Variants in CHCHD6 observed in about 807,000 individuals in gnomAD.
CHCHD6 encodes MICOS complex subunit MIC25.
A neutral mutation model predicts 32.3 loss-of-function variants in CHCHD6; 28 were observed. That is an observed-to-expected ratio of 0.87 (90% CI 0.64 to 1.19). The LOEUF (loss-of-function observed/expected upper bound fraction) is 1.19, where lower values mean the gene tolerates loss of function less well. Ranked by LOEUF, CHCHD6 falls within the 50% of genes most tolerant of loss-of-function variation. The probability of loss-of-function intolerance (pLI) is 0.00; values close to 1 mark genes in which losing one functional copy is unlikely to be tolerated. For missense variants in CHCHD6, 333 were observed against 307.0 expected, an observed-to-expected ratio of 1.08 and a Z score of -0.63; for synonymous variants, 122 against 117.5, an observed-to-expected ratio of 1.04 and a Z score of -0.25.
At chr3:126,855,315 C>T (rs1941625859) in intron 5 of CHCHD6, among the ~76,000 whole-genome samples, 1 of 152,298 alleles carries the variant, frequency 6.6e-6, no homozygotes, top group South Asian at 2.1e-4. Context: ...GTCACTGTGC[C>T]TCCTTTCAGC....
intron 4 of CHCHD6, among the ~76,000 whole-genome samples, chr3:126,735,934 A>G (rs1936023068): frequency 6.6e-6 from 1 of 152,214 alleles, no homozygotes; most frequent in African/African-American, 2.4e-5. Flanking sequence ...GTGTACAACC[A>G]TATTCAATAC....
chr3:126,865,913 AGTTGTCT>A (rs1942273471), intron 5 of CHCHD6, among the ~76,000 whole-genome samples: 1 of 152,168 alleles, frequency 6.6e-6, no homozygotes, highest in Non-Finnish European at 1.5e-5. Context: ...TCTCTAGGGT[AGTTGTCT>A]GTGCCAGGAA....
At chr3:126,842,350 A>T (rs1201540635) in intron 4 of CHCHD6, among the ~76,000 whole-genome samples, 1 of 152,204 alleles carries the variant, frequency 6.6e-6, no homozygotes, top group East Asian at 1.9e-4. Flanking sequence ...CTTTTATCAA[A>T]ATACTGGGTG....
intron 5 of CHCHD6, among the ~76,000 whole-genome samples, chr3:126,898,966 T>C (rs2077881429): frequency 6.6e-6 from 1 of 151,764 alleles, no homozygotes; most frequent in African/African-American, 2.4e-5. Context: ...CAAATGTACA[T>C]GTGTTGAGGA....
intron 4 of CHCHD6, among the ~76,000 whole-genome samples, chr3:126,750,740 A>G (rs867457078): frequency 2.6e-5 from 4 of 152,360 alleles, no homozygotes; most frequent in Non-Finnish European, 5.9e-5. Context: ...TCCTTTTGCA[A>G]TGAGCCTGAA....
At chr3:126,844,232 T>C (rs193132371) in intron 4 of CHCHD6, among the ~76,000 whole-genome samples, 4 of 152,326 alleles carry the variant, frequency 2.6e-5, no homozygotes, top group Non-Finnish European at 4.4e-5. Flanking sequence ...TTGGGTCACG[T>C]TGGATGATAA....
Position 126,741,248 on chromosome 3 carries a change from G to A in CHCHD6, c.411+8026G>A, listed in dbSNP as rs1000090400. Reference sequence around the variant, plus strand: ...TGAGGGGCAGGCGGTGCTGTGCGCCGTTGGGAAAGTTAGGATTTACTCTTC... The same window carrying A: ...TGAGGGGCAGGCGGTGCTGTGCGCCATTGGGAAAGTTAGGATTTACTCTTC... On this transcript the variant is annotated intron_variant, in intron 4 of 7. Coordinates refer to ENST00000290913, the MANE Select transcript of CHCHD6 (RefSeq NM_032343.3). 5.3e-5 allele frequency among the ~76,000 whole-genome samples: 8 copies of A among 152,288 alleles called. No individual in the cohort carries two copies. In the East Asian group the frequency reaches 7.7e-4, roughly 15 times the overall value.
intron 4 of CHCHD6, among the ~76,000 whole-genome samples, chr3:126,759,168 A>G (rs896874069): frequency 6.6e-6 from 1 of 151,944 alleles, no homozygotes; most frequent in African/African-American, 2.4e-5. Flanking sequence ...TAGCCCTACT[A>G]CTCTTCTGAA....
At position 126,721,760 on chromosome 3, in the gene CHCHD6, C is replaced by T. The variant is rs181154818; in HGVS notation, c.88-5318C>T. 2.9e-4 allele frequency among the ~76,000 whole-genome samples: 41 copies of T among 141,326 alleles called. 1 individual carries two copies. Among genetic ancestry groups the T allele is most frequent in the African/African-American group, 1.0e-3 (40 of 38,604 alleles). 92.7% of individuals were successfully genotyped at this position (141,326 alleles called of 152,430 possible). A position where few individuals can be genotyped will look rare whatever the true frequency, so the allele number is the denominator to read the frequency against. On this transcript the variant is annotated intron_variant, in intron 1 of 7. Coordinates refer to ENST00000290913, the MANE Select transcript of CHCHD6 (RefSeq NM_032343.3). Reference sequence around the variant, plus strand: ...TTACCCTGTAGCTATCAGTCCCCACCCCGGTCCCTGCATTTCCCCAAGCCC... The same window carrying T: ...TTACCCTGTAGCTATCAGTCCCCACTCCGGTCCCTGCATTTCCCCAAGCCC...
intron 4 of CHCHD6, among the ~76,000 whole-genome samples, chr3:126,827,341 G>T (rs942095665): frequency 6.6e-6 from 1 of 152,206 alleles, no homozygotes; most frequent in African/African-American, 2.4e-5. Context: ...GTTCCAGGCT[G>T]CCATGCGTCA....
intron 1 of CHCHD6, among the ~76,000 whole-genome samples, chr3:126,718,213 G>GGCAAAT (rs1213151440): frequency 2.4e-4 from 37 of 152,260 alleles, no homozygotes; most frequent in Middle Eastern, 3.4e-3. Context: ...GATGGTCTGT[G>GGCAAAT]GCAAATGCTA....
At chr3:126,815,394 G>A (rs575610083) in intron 4 of CHCHD6, among the ~76,000 whole-genome samples, 15 of 152,210 alleles carry the variant, frequency 9.9e-5, no homozygotes, top group Admixed American at 7.8e-4. Context: ...CAGCATGGTC[G>A]CACACAGAAT....
chr3:126,865,803 A>C, intron 5 of CHCHD6: 3 of 911,246 alleles, frequency 3.3e-6, no homozygotes, highest in Non-Finnish European at 3.9e-6. Context: ...AAATCCTCTC[A>C]TATATCTCAC....
At chr3:126,905,540 TGGATGTCA>T (rs55642990) in intron 5 of CHCHD6, among the ~76,000 whole-genome samples, 95,790 of 151,112 alleles carry the variant, frequency 0.63, 31,288 homozygotes, top group African/African-American at 0.79. Context: ...GGGGGTGTCT[TGGATGTCA>T]GGATGTCATG....
At chr3:126,944,271 C>T (rs1250962605) in intron 6 of CHCHD6, among the ~76,000 whole-genome samples, 1 of 152,244 alleles carries the variant, frequency 6.6e-6, no homozygotes, top group Non-Finnish European at 1.5e-5. Context: ...CACCGGGTTA[C>T]AAAGGCCCCA....
At chr3:126,823,360 C>T (rs918026813) in intron 4 of CHCHD6, among the ~76,000 whole-genome samples, 3 of 152,152 alleles carry the variant, frequency 2.0e-5, no homozygotes, top group Non-Finnish European at 4.4e-5. Flanking sequence ...ACTTAGCAAT[C>T]TTGAGTCTTT....
intron 4 of CHCHD6, among the ~76,000 whole-genome samples, chr3:126,790,737 A>G (rs1938488459): frequency 1.3e-5 from 2 of 152,020 alleles, no homozygotes; most frequent in Admixed American, 1.3e-4. Context: ...ATCTTTTTTC[A>G]AGGTTTTTAA....
intron 1 of CHCHD6, among the ~76,000 whole-genome samples, chr3:126,726,586 A>T (rs887423860): frequency 2.6e-5 from 4 of 152,230 alleles, no homozygotes; most frequent in Non-Finnish European, 5.9e-5. Context: ...AAGTGGAATA[A>T]AGAGAAATGT....
chr3:126,721,171 G>A (rs4679286), intron 1 of CHCHD6, among the ~76,000 whole-genome samples: 31,266 of 152,130 alleles, frequency 0.21, 3,492 homozygotes, highest in South Asian at 0.35. Flanking sequence ...GCAGGCCGTG[G>A]TGATGTTTCC....
Sources: allele counts gnomAD v4.1 joint callset (sites outside exome capture counted in the v4.1 genomes callset), GRCh38; gene constraint gnomAD v4.1.1; transcripts MANE v1.5; gene names NCBI Gene and HGNC (gene_info 2026-07-23, HGNC 2026-07-21).